The following ZNF496 variants were observed in gnomAD, a reference collection of about 807,000 sequenced individuals.
ZNF496 encodes NSD1 (nuclear receptor binding SET-domain containing 1)-interacting zinc finger protein 1.
In ZNF496, 11 loss-of-function variants were observed where a neutral mutation model predicts 58.9. The observed-to-expected ratio is 0.19, with a 90% CI of 0.12 to 0.31. The LOEUF (loss-of-function observed/expected upper bound fraction) is 0.31. Ranked by LOEUF, ZNF496 falls within the 10% of genes least tolerant of loss-of-function variation. The pLI is 1.00. For missense variants in ZNF496, 660 were observed against 783.0 expected (o/e 0.84, Z 1.88); for synonymous variants, 338 against 318.2 (o/e 1.06, Z -0.66).
At chr1:247,310,783 C>A in intron 6 of ZNF496, 1 of 231,598 alleles carries the variant, frequency 4.3e-6, no homozygotes. Context: ...ATCATCTCCC[C>A]AAAAGTCTCC....
chr1:247,316,407 T>C lies in ZNF496; in HGVS notation c.652-5951A>G, dbSNP rs148190990. On this transcript the variant is annotated intron_variant, in intron 6 of 9. Transcript: ENST00000682384. ...AAACTTGATCCCCCATGTGGCAGTA[T>C]TGAAAGGTGTGGCCTTTACGAGGTG... Among the ~76,000 whole-genome samples the C allele has an allele frequency of 5.0e-4, 76 of 152,208 alleles. No homozygotes were observed. In the East Asian group the frequency reaches 0.011, roughly 21 times the overall value.
rs115345041 is a variant in ZNF496 at position 247,323,575 on chromosome 1, C to T, written c.575-345G>A. Among the ~76,000 whole-genome samples the T allele has an allele frequency of 2.7e-3, 412 of 152,010 alleles. 5 individuals carry two copies. Among genetic ancestry groups the T allele is most frequent in the African/African-American group, 9.4e-3 (388 of 41,422 alleles). The stretch of plus-strand genomic sequence containing the variant: ...AACTCTTTCACCTCGGGTAGGTCCC[C>T]GGACCTCAGCATTGTTATCCAAACT... On this transcript the variant is annotated intron_variant, in intron 5 of 9. Coordinates refer to ENST00000682384, the MANE Select transcript of ZNF496 (RefSeq NM_032752.3).
chr1:247,327,937 A>G (rs1660191077), intron 5 of ZNF496, among the ~76,000 whole-genome samples: 1 of 152,184 alleles, frequency 6.6e-6, no homozygotes, highest in Non-Finnish European at 1.5e-5. Context: ...ATATGTACTT[A>G]AAGTTTTGGG....
Position 247,308,131 on chromosome 1 carries a change from G to T in ZNF496, c.1006+344C>A. 1.8e-6 allele frequency: 1 copy of T among 568,448 alleles called. No homozygotes were observed. The highest frequency in any genetic ancestry group is 2.2e-6 in the Non-Finnish European group (1 of 448,786). The allele number at this position is 568,448 out of a possible 1,614,324, so 35.2% of individuals were successfully genotyped here. A position where few individuals can be genotyped will look rare whatever the true frequency, so the allele number is the denominator to read the frequency against. On this transcript the variant is annotated intron_variant, in intron 9 of 9. Transcript: ENST00000682384. The surrounding 1 kb of genome is among the most constrained non-coding windows in gnomAD (Gnocchi z 4.5). ...TGGGAAAGGCAAGGAGGGTGAGCCTGGGATTGGGAGTGAGCTGGAGAATGA... is the reference window on the plus strand; with the variant it reads ...TGGGAAAGGCAAGGAGGGTGAGCCTTGGATTGGGAGTGAGCTGGAGAATGA...
chr1:247,330,859 G>A (rs974472057), intron 2 of ZNF496, among the ~76,000 whole-genome samples: 7 of 152,252 alleles, frequency 4.6e-5, no homozygotes, highest in Admixed American at 6.5e-5. Flanking sequence ...GAAAAGCTAC[G>A]GAACAACTGA....
intron 9 of ZNF496, among the ~76,000 whole-genome samples, chr1:247,302,238 GC>G (rs1227721819): frequency 6.6e-6 from 1 of 152,072 alleles, no homozygotes; most frequent in Non-Finnish European, 1.5e-5. Flanking sequence ...GGGGAGGAGA[GC>G]CCTGGCTAGT....
chr1:247,322,861 T>G (rs777417444), intron 6 of ZNF496: 28 of 1,153,502 alleles, frequency 2.4e-5, no homozygotes, highest in Non-Finnish European at 3.3e-5. Context: ...AACTTAGACA[T>G]GCTGAGAGGC....
At chr1:247,303,888 T>A (rs758803533) in intron 9 of ZNF496, 1 of 173,020 alleles carries the variant, frequency 5.8e-6, no homozygotes, top group Non-Finnish European at 1.3e-5. Flanking sequence ...AGATTCTGGG[T>A]ATGATTCACG....
Position 247,308,389 on chromosome 1 carries a change from C to T in ZNF496, c.1006+86G>A. On this transcript the variant is annotated intron_variant, in intron 9 of 9. Transcript: ENST00000682384. The surrounding 1 kb of genome is among the most constrained non-coding windows in gnomAD (Gnocchi z 4.5). ...CACACATGCATTCAACACAACCATCCCCTATGCCACACATGCATACATACA... is the reference window on the plus strand; with the variant it reads ...CACACATGCATTCAACACAACCATCTCCTATGCCACACATGCATACATACA... 8.2e-7 allele frequency: 1 copy of T among 1,218,546 alleles called. No individual in the cohort carries two copies. Among genetic ancestry groups the T allele is most frequent in the South Asian group, 1.3e-5 (1 of 79,408 alleles). The allele number at this position is 1,218,546 out of a possible 1,614,324, so 75.5% of individuals were successfully genotyped here.
intron 9 of ZNF496, among the ~76,000 whole-genome samples, chr1:247,306,502 TTTTTTC>T (rs1558437341): frequency 1.3e-5 from 2 of 149,702 alleles, no homozygotes; most frequent in Non-Finnish European, 3.0e-5. Context: ...TGGCCGTTTT[TTTTTTC>T]TTTTTCTTTT....
chr1:247,317,065 A>T (rs1476759202), intron 6 of ZNF496, among the ~76,000 whole-genome samples: 3 of 152,192 alleles, frequency 2.0e-5, no homozygotes, highest in African/African-American at 7.2e-5. Context: ...CAAGATAGAT[A>T]AACATGTCTA....
At chr1:247,326,129 T>TAC (rs778670627) in intron 5 of ZNF496, among the ~76,000 whole-genome samples, 1 of 146,250 alleles carries the variant, frequency 6.8e-6, no homozygotes, top group African/African-American at 2.6e-5. Context: ...TATACATACA[T>TAC]ATATATATAT....
At chr1:247,303,569 C>T (rs968181739) in intron 9 of ZNF496, among the ~76,000 whole-genome samples, 17 of 152,194 alleles carry the variant, frequency 1.1e-4, no homozygotes, top group African/African-American at 4.1e-4. Context: ...AGGAGATCCT[C>T]CAATTATAAA....
At chr1:247,306,497 G>GTT (rs35122206) in intron 9 of ZNF496, among the ~76,000 whole-genome samples, 6,766 of 144,350 alleles carry the variant, frequency 0.047, 205 homozygotes, top group Non-Finnish European at 0.073. Context: ...GCACCTGGCC[G>GTT]TTTTTTTTTT....
At chr1:247,313,985 A>G (rs1659692910) in intron 6 of ZNF496, 1 of 152,190 alleles carries the variant, frequency 6.6e-6, no homozygotes, top group East Asian at 1.9e-4. Context: ...GTTAGGTGTA[A>G]CAGGGAGATT....
rs768283906 is a variant in ZNF496, at chr1:247,300,489, C to T, written c.*30G>A. 3 of 1,574,760 alleles carry T rather than the reference C, an allele frequency of 1.9e-6. No homozygotes were observed. Among genetic ancestry groups the T allele is most frequent in the South Asian group, 2.3e-5 (2 of 85,170 alleles). The stretch of plus-strand genomic sequence containing the variant: ...TACCAAGGTGAGGGGGCAGCACCAG[C>T]CAGGGTGAGGCCGCCCCAGGCGGAG... On this transcript the variant is annotated 3_prime_UTR_variant, in exon 10 of 10. Coordinates refer to ENST00000682384, the MANE Select transcript of ZNF496 (RefSeq NM_032752.3). The surrounding 1 kb of genome is among the most constrained non-coding windows in gnomAD (Gnocchi z 5.7).
Position 247,328,835 on chromosome 1 carries a change from T to C in ZNF496, c.422A>G (p.Asp141Gly). 6.2e-7 allele frequency: 1 copy of C among 1,609,128 alleles called. No individual in the cohort carries two copies. Residue 141 changes from aspartate (D) to glycine (G), a missense_variant, in exon 5 of 10, where the codon GAT (aspartate) becomes GGT (glycine). By Grantham distance (94) the Asp-to-Gly change is moderately conservative (BLOSUM62 -1). Transcript: ENST00000682384. ...CTGGTCCAGAGGGCTGTCCCCATCA[T>C]CAATCACCACAGGGTCTTCACAGTG... Reference protein sequence around the residue: ...LKHCEDPVVIDDGDSPLDQEQ... With the variant: ...LKHCEDPVVIGDGDSPLDQEQ...
intron 6 of ZNF496, 146 bp downstream of exon 6, chr1:247,323,008 C>T (rs748457547): frequency 3.2e-5 from 23 of 723,824 alleles, no homozygotes; most frequent in Non-Finnish European, 4.7e-5. Context: ...CTCTTAAGCT[C>T]ACGCTCTGCC....
chr1:247,322,777 C>T lies in ZNF496; in HGVS notation c.651+377G>A. On this transcript the variant is annotated intron_variant, in intron 6 of 9. Transcript: ENST00000682384. ...TAACATTTCTAAAATATAACCATTG[C>T]TGCGATGATTATTAAATTGAAAAAT... 4.6e-6 allele frequency: 6 copies of T among 1,295,638 alleles called. No homozygotes were observed. The South Asian group carries it at 6.2e-5, about 13-fold the overall frequency. 80.3% of individuals were successfully genotyped at this position (1,295,638 alleles called of 1,614,324 possible).
Sources: gnomAD v4.1 joint callset for allele counts (sites outside exome capture counted in the v4.1 genomes callset) on GRCh38, gnomAD v4.1.1 for gene constraint, Gnocchi (gnomAD v3.1) non-coding constraint, MANE v1.5 for transcripts, NCBI Gene and HGNC (gene_info 2026-07-23, HGNC 2026-07-21) for gene names.